Variants in FBN2 observed in about 807,000 individuals in gnomAD.
The protein encoded by FBN2 is fibrillin 2.
In FBN2, 105 loss-of-function variants were observed where a neutral mutation model predicts 355.6. The observed-to-expected ratio is 0.30, with a 90% CI of 0.25 to 0.35. The LOEUF (loss-of-function observed/expected upper bound fraction) is 0.35. FBN2 is among the 10% of genes least tolerant of loss of function. The pLI is 1.00. For synonymous variants in FBN2, 1,350 were observed against 1,301.2 expected, an observed-to-expected ratio of 1.04 and a Z score of -0.81; for missense variants, 3,280 against 3,758.7, an observed-to-expected ratio of 0.87 and a Z score of 3.33.
intron 46 of FBN2, 143 bp downstream of exon 46, chr5:128,302,830 C>A: frequency 3.0e-6 from 2 of 665,480 alleles, no homozygotes; most frequent in Non-Finnish European, 2.7e-6. Context: ...AACTAGAAAC[C>A]AGTCAATGAA....
chr5:128,287,405 T>C lies in FBN2; in HGVS notation c.6783A>G (p.Pro2261=). Residue 2261 remains proline, a synonymous_variant, in exon 54 of 65, where the codon CCA becomes CCG. Transcript: ENST00000262464. ...CEDINECAQN[P]LLCAFRCMNT... Reference sequence around the variant, plus strand: ...TCATGCAGCGGAAAGCACACAGCAGTGGGTTCTGGGCACATTCGTTGATAT... The same window carrying C: ...TCATGCAGCGGAAAGCACACAGCAGCGGGTTCTGGGCACATTCGTTGATAT... 6.2e-7 allele frequency: 1 copy of C among 1,614,000 alleles called. No homozygotes were observed. The highest frequency in any genetic ancestry group is 1.1e-5 in the South Asian group (1 of 91,074).
intron 1 of FBN2, 56 bp from the exon 2 acceptor site, chr5:128,536,540 T>A: frequency 7.8e-7 from 1 of 1,283,676 alleles, no homozygotes; most frequent in Non-Finnish European, 1.1e-6. Context: ...CAGCAACATA[T>A]AAACGGTCTT....
chr5:128,452,667 T>G (rs1006758605), intron 6 of FBN2, among the ~76,000 whole-genome samples: 1 of 152,156 alleles, frequency 6.6e-6, no homozygotes, highest in Non-Finnish European at 1.5e-5. Flanking sequence ...TTTTTTAACT[T>G]TTCTTGTTAC....
rs1554066145 is a variant in FBN2 at position 128,395,234 on chromosome 5, G to T, written c.1119C>A (p.Gly373=). 1.2e-6 allele frequency: 2 copies of T among 1,614,044 alleles called. No individual in the cohort carries two copies. The highest frequency in any genetic ancestry group is 2.2e-5 in the South Asian group (2 of 91,066). The change falls in exon 9 of 65, where the codon GGC becomes GGA. Residue 373 remains glycine (G), a synonymous_variant. Transcript: ENST00000262464. The part of the protein sequence containing the change: ...TGMCFSGLVN[G]RCAQELPGRM... ...TCCCCGGGAGCTCTTGTGCACAGCG[G>T]CCATTCACCAGGCCCGAGAAACACA...
At chr5:128,468,461 T>C (rs906616444) in intron 5 of FBN2, among the ~76,000 whole-genome samples, 16 of 152,226 alleles carry the variant, frequency 1.1e-4, no homozygotes, top group African/African-American at 3.9e-4. Flanking sequence ...GTGGAACTAC[T>C]TATTTGACAA....
chr5:128,305,530 T>C lies in FBN2; in HGVS notation c.5655A>G (p.Ser1885=). Residue 1885 remains serine (S), a synonymous_variant, in exon 44 of 65, where the codon TCA becomes TCG. Transcript: ENST00000262464. ...RCECAAGFKL[S]PNGACVDRNE... The stretch of plus-strand genomic sequence containing the variant: ...TCTTACCTACACAGGCCCCATTGGG[T>C]GAAAGTTTGAAACCCGCGGCACATT... 6.2e-7 allele frequency: 1 copy of C among 1,613,960 alleles called. No homozygotes were observed. The highest frequency in any genetic ancestry group is 1.3e-5 in the African/African-American group (1 of 75,008).
chr5:128,287,052 G>A (rs1749173304), intron 54 of FBN2, among the ~76,000 whole-genome samples: 2 of 152,158 alleles, frequency 1.3e-5, no homozygotes, highest in African/African-American at 4.8e-5. Context: ...GTTTAGGGAA[G>A]GGCAATCTTT....
chr5:128,536,350 G>A, intron 2 of FBN2, 52 bp downstream of exon 2: 1 of 1,433,380 alleles, frequency 7.0e-7, no homozygotes, highest in Non-Finnish European at 9.8e-7. Flanking sequence ...AGGTCGGCCG[G>A]AGATAGGGCC....
intron 32 of FBN2, 134 bp downstream of exon 32, chr5:128,332,778 G>T: frequency 2.2e-6 from 2 of 903,134 alleles, no homozygotes; most frequent in South Asian, 2.7e-5. Flanking sequence ...CCTTAGGCAG[G>T]AATTATCTTG....
At chr5:128,308,361 G>A (rs1403634898) in intron 41 of FBN2, among the ~76,000 whole-genome samples, 4 of 152,114 alleles carry the variant, frequency 2.6e-5, no homozygotes, top group Non-Finnish European at 5.9e-5. Flanking sequence ...GCAAGATAAG[G>A]CTAAGAAAAT....
chr5:128,356,216 A>T (rs1378065438), intron 20 of FBN2, among the ~76,000 whole-genome samples: 2 of 152,112 alleles, frequency 1.3e-5, no homozygotes, highest in East Asian at 3.9e-4. Flanking sequence ...TAATATGAAG[A>T]GCTGAACAAG....
chr5:128,292,200 T>C (rs1213413829), intron 48 of FBN2, among the ~76,000 whole-genome samples: 1 of 152,142 alleles, frequency 6.6e-6, no homozygotes, highest in East Asian at 1.9e-4. Context: ...CAGGGCTGCC[T>C]TTCTAAAACG....
chr5:128,500,473 C>T (rs528194151), intron 5 of FBN2, among the ~76,000 whole-genome samples: 33 of 120,706 alleles, frequency 2.7e-4, no homozygotes, highest in African/African-American at 9.9e-4. Flanking sequence ...GACAGGGTCT[C>T]GCTCTTCCAC....
rs768073096 is a variant in FBN2, at chr5:128,378,774, T to C, written c.1720A>G (p.Ile574Val). Reference protein sequence around the residue: ...FQRTPTKQACIDIDECIQNGV... With the variant: ...FQRTPTKQACVDIDECIQNGV... ...ATGTGAAAGCAAACTGCCTTACCAATGCATGCTTGCTTGGTAGGAGTCCTC... is the reference window on the plus strand; with the variant it reads ...ATGTGAAAGCAAACTGCCTTACCAACGCATGCTTGCTTGGTAGGAGTCCTC... Residue 574 changes from isoleucine to valine, a missense_variant, in exon 12 of 65, where the codon ATT becomes GTT. By Grantham distance (29) the Ile-to-Val change is conservative. Coordinates refer to ENST00000262464, the MANE Select transcript of FBN2 (RefSeq NM_001999.4). The C allele has an allele frequency of 2.0e-5, 32 of 1,612,830 alleles. 1 individual carries two copies. In the Middle Eastern group the frequency reaches 6.6e-4, roughly 33 times the overall value.
intron 36 of FBN2, among the ~76,000 whole-genome samples, chr5:128,313,949 G>A (rs1220146536): frequency 2.0e-5 from 3 of 148,126 alleles, no homozygotes; most frequent in Non-Finnish European, 4.4e-5. Flanking sequence ...TACCAACTGA[G>A]TTCCAGCCAC....
In FBN2 at chr5:128,519,192, C is replaced by A. The variant is rs956360909; in HGVS notation, c.628+81G>T. On this transcript the variant is annotated intron_variant, in intron 5 of 64. Coordinates refer to ENST00000262464, the MANE Select transcript of FBN2 (RefSeq NM_001999.4). ...AAAAATATAATTTCATTAGCAGAAT[C>A]TTCATTGAATAGCAAAAAATTATAC... 18 of 944,750 alleles carry A rather than the reference C, an allele frequency of 1.9e-5. No homozygotes were observed. The African/African-American group carries it at 2.0e-4, about 10-fold the overall frequency. The allele number at this position is 944,750 out of a possible 1,614,324, so 58.5% of individuals were successfully genotyped here. A position where few individuals can be genotyped will look rare whatever the true frequency, so the allele number is the denominator to read the frequency against.
chr5:128,396,150 G>C (rs1404656346), intron 8 of FBN2, among the ~76,000 whole-genome samples: 2 of 152,238 alleles, frequency 1.3e-5, no homozygotes, highest in Non-Finnish European at 2.9e-5. Flanking sequence ...AACTTGCTTG[G>C]GTGTGGGGTA....
intron 16 of FBN2, among the ~76,000 whole-genome samples, chr5:128,366,730 GAT>G (rs1751778873): frequency 6.6e-6 from 1 of 152,104 alleles, no homozygotes. Context: ...TAAAGAGCTT[GAT>G]ATTTAACTTT....
At chr5:128,328,333 A>C in intron 34 of FBN2, 1 of 491,870 alleles carries the variant, frequency 2.0e-6, no homozygotes, top group Non-Finnish European at 3.6e-6. Flanking sequence ...GATTTTGATA[A>C]ACACAATAAA....
Sources: gnomAD v4.1 joint callset for allele counts (sites outside exome capture counted in the v4.1 genomes callset) on GRCh38, gnomAD v4.1.1 for gene constraint, MANE v1.5 for transcripts, NCBI Gene and HGNC (gene_info 2026-07-23, HGNC 2026-07-21) for gene names.